Variants in CR1L observed in about 807,000 individuals in gnomAD.
The protein encoded by CR1L is complement component receptor 1-like protein.
A neutral mutation model predicts 62.3 loss-of-function variants in CR1L; 59 were observed. That is an observed-to-expected ratio of 0.95 (90% CI 0.77 to 1.18). CR1L has a LOEUF of 1.18. Ranked by LOEUF, CR1L falls within the 50% of genes most tolerant of loss-of-function variation. The pLI is 0.00. For missense variants in CR1L, 700 were observed against 702.8 expected (o/e 1.00, Z 0.04); for synonymous variants, 279 against 248.7 (o/e 1.12, Z -1.15).
At chr1:207,706,591 A>T (rs1664271497) in intron 9 of CR1L, among the ~76,000 whole-genome samples, 1 of 152,180 alleles carries the variant, frequency 6.6e-6, no homozygotes, top group African/African-American at 2.4e-5. Context: ...AAATGTGAAA[A>T]TGTAATACCC....
chr1:207,722,985 A>T (rs1428244717), intron 11 of CR1L, among the ~76,000 whole-genome samples: 1 of 152,216 alleles, frequency 6.6e-6, no homozygotes, highest in Non-Finnish European at 1.5e-5. Flanking sequence ...CCTTTGTTGT[A>T]ACTTATATTT....
In CR1L at chr1:207,694,404, T is replaced by C. The variant is rs1317747245; in HGVS notation, c.515T>C (p.Ile172Thr). The change falls in exon 5 of 12, where the codon ATC becomes ACC. Residue 172 changes from isoleucine (I) to threonine (T), a missense_variant. Transcript: ENST00000508064. ...PTIANGDFTSISREYFHYGSV... is the reference protein window; with the variant it reads ...PTIANGDFTSTSREYFHYGSV... The stretch of plus-strand genomic sequence containing the variant: ...ATCGCCAATGGAGATTTCACTAGCA[T>C]CAGCAGAGAGTATTTTCACTATGGA... 9 of 1,613,976 alleles carry C rather than the reference T, an allele frequency of 5.6e-6. No homozygotes were observed. In the South Asian group the frequency reaches 8.8e-5, roughly 16 times the overall value.
At chr1:207,701,784 G>A (rs2102473023) in intron 9 of CR1L, 166 bp downstream of exon 9, 1 of 999,088 alleles carries the variant, frequency 1.0e-6, no homozygotes, top group Admixed American at 2.0e-5. Context: ...AAGATTAGGG[G>A]AAAAATCTGT....
At chr1:207,668,425 A>T (rs1283433347) in intron 1 of CR1L, among the ~76,000 whole-genome samples, 3 of 151,270 alleles carry the variant, frequency 2.0e-5, no homozygotes, top group Middle Eastern at 3.4e-3. Context: ...GCACAGAAAG[A>T]CAAATCCTGT....
chr1:207,690,116 TCTG>T (rs2102465938), intron 4 of CR1L, among the ~76,000 whole-genome samples: 1 of 152,234 alleles, frequency 6.6e-6, no homozygotes, highest in Admixed American at 6.5e-5. Context: ...TTTACTGATT[TCTG>T]CTTATTTTCT....
chr1:207,678,989 C>T (rs1445835675), intron 3 of CR1L, among the ~76,000 whole-genome samples: 1 of 140,390 alleles, frequency 7.1e-6, no homozygotes, highest in African/African-American at 2.7e-5. Flanking sequence ...TGTCTGTGTC[C>T]AAAGTTCTTT....
rs1176246630 is a variant in CR1L, at chr1:207,697,666, C to T, written c.1026C>T (p.Ala342=). Residue 342 remains alanine (A), a synonymous_variant, in exon 6 of 12, where the codon GCC becomes GCT. Coordinates refer to ENST00000508064, the MANE Select transcript of CR1L (RefSeq NM_175710.2). ...CTPQGDWSPA[A]PRCEVKSCDD... ...CCCAGGGAGACTGGAGCCCTGCAGCCCCCAGATGTGAAGGTGACTAGACTC... is the reference window on the plus strand; with the variant it reads ...CCCAGGGAGACTGGAGCCCTGCAGCTCCCAGATGTGAAGGTGACTAGACTC... The T allele has an allele frequency of 1.9e-6, 3 of 1,613,864 alleles. No individual in the cohort carries two copies. The highest frequency in any genetic ancestry group is 1.6e-4 in the Middle Eastern group (1 of 6,084).
At chr1:207,707,314 T>C (rs1664282146) in intron 9 of CR1L, among the ~76,000 whole-genome samples, 1 of 152,086 alleles carries the variant, frequency 6.6e-6, no homozygotes. Context: ...CATCGTGAAA[T>C]CATGAAAAAG....
In CR1L at chr1:207,670,223, T is replaced by A. The variant is rs1304934274; in HGVS notation, c.98-7166T>A. ...CTACCCCAAGCCACCACCGCCATCA[T>A]CATGATGCACTTGATTGACAGCATA... On this transcript the variant is annotated intron_variant, in intron 1 of 11. Coordinates refer to ENST00000508064, the MANE Select transcript of CR1L (RefSeq NM_175710.2). Among the ~76,000 whole-genome samples the A allele has an allele frequency of 9.3e-5, 14 of 151,134 alleles. No homozygotes were observed. The East Asian group carries it at 2.7e-3, about 29-fold the overall frequency.
intron 5 of CR1L, among the ~76,000 whole-genome samples, chr1:207,695,267 A>G (rs936034226): frequency 1.3e-5 from 2 of 152,150 alleles, no homozygotes; most frequent in African/African-American, 4.8e-5. Flanking sequence ...CTGGGACTAC[A>G]GGTGCATGCT....
chr1:207,710,159 C>A (rs1287936284), intron 10 of CR1L, among the ~76,000 whole-genome samples: 2 of 152,130 alleles, frequency 1.3e-5, no homozygotes, highest in East Asian at 1.9e-4. Context: ...GCATGGCCAA[C>A]ATGACCAAAC....
intron 10 of CR1L, among the ~76,000 whole-genome samples, chr1:207,716,664 T>G (rs953031062): frequency 2.6e-5 from 4 of 152,094 alleles, no homozygotes; most frequent in African/African-American, 4.8e-5. Context: ...CAGAGACACA[T>G]AGAGCTGAAA....
rs142447304 is a variant in CR1L at position 207,697,600 on chromosome 1, C to G, written c.960C>G (p.Pro320=). ...PGQEVFYSCE[P]GYDLRGSTYL... ...AGGAAGTGTTCTACAGCTGTGAGCC[C>G]GGCTACGACCTCAGAGGATCTACGT... The change falls in exon 6 of 12, where the codon CCC becomes CCG. Residue 320 remains proline (P), a synonymous_variant. Coordinates refer to ENST00000508064, the MANE Select transcript of CR1L (RefSeq NM_175710.2). The G allele has an allele frequency of 1.2e-6, 2 of 1,613,882 alleles. No homozygotes were observed. Among genetic ancestry groups the G allele is most frequent in the Non-Finnish European group, 1.7e-6 (2 of 1,179,824 alleles).
intron 1 of CR1L, 100 bp from the exon 2 acceptor site, chr1:207,677,289 C>T (rs1212782907): frequency 1.8e-6 from 2 of 1,140,336 alleles, no homozygotes; most frequent in Admixed American, 4.2e-5. Flanking sequence ...GCCTGGGTGA[C>T]AGAGGGAGAC....
intron 1 of CR1L, chr1:207,669,691 T>G (rs1571649753): frequency 1.7e-6 from 1 of 592,492 alleles, no homozygotes; most frequent in Non-Finnish European, 2.9e-6. Context: ...GCGCGATGGG[T>G]GGGCTGAGCG....
intron 4 of CR1L, among the ~76,000 whole-genome samples, chr1:207,692,626 G>C (rs1380982275): frequency 6.6e-6 from 1 of 152,078 alleles, no homozygotes; most frequent in African/African-American, 2.4e-5. Context: ...TCACCAATTA[G>C]AACTCCCCAT....
At chr1:207,684,484 C>T (rs1186942797) in intron 4 of CR1L, among the ~76,000 whole-genome samples, 1 of 152,082 alleles carries the variant, frequency 6.6e-6, no homozygotes, top group Non-Finnish European at 1.5e-5. Flanking sequence ...CTTTTCATTG[C>T]AGCATTATTT....
intron 1 of CR1L, among the ~76,000 whole-genome samples, chr1:207,668,663 T>A (rs1663560703): frequency 6.6e-6 from 1 of 151,052 alleles, no homozygotes; most frequent in South Asian, 2.1e-4. Context: ...TGGGGCTAAC[T>A]CTTGATTGCT....
At chr1:207,701,185 T>G (rs1571528716) in intron 8 of CR1L, among the ~76,000 whole-genome samples, 1 of 152,382 alleles carries the variant, frequency 6.6e-6, no homozygotes, top group Middle Eastern at 3.4e-3. Context: ...AGACAAATTC[T>G]GTTTGAATAA....
Sources: gnomAD v4.1 joint callset for allele counts (sites outside exome capture counted in the v4.1 genomes callset) on GRCh38, gnomAD v4.1.1 for gene constraint, MANE v1.5 for transcripts, NCBI Gene and HGNC (gene_info 2026-07-23, HGNC 2026-07-21) for gene names.